CNTNAP2: variants seen among roughly 807,000 people sequenced by gnomAD.
CNTNAP2 encodes the protein contactin-associated protein-like 2.
A neutral mutation model predicts 155.2 loss-of-function variants in CNTNAP2; 98 were observed. The observed-to-expected ratio is 0.63, with a 90% CI of 0.54 to 0.75. The LOEUF is 0.75. CNTNAP2 is among the 30% of genes least tolerant of loss of function. The pLI, the probability that CNTNAP2 is intolerant of heterozygous loss-of-function variation, is 0.00. For missense variants in CNTNAP2, 1,727 were observed against 1,688.1 expected, an observed-to-expected ratio of 1.02 and a Z score of -0.40; for synonymous variants, 651 against 631.2, an observed-to-expected ratio of 1.03 and a Z score of -0.47.
intron 15 of CNTNAP2, among the ~76,000 whole-genome samples, chr7:148,085,132 A>C (rs1431845974): frequency 6.6e-6 from 1 of 152,242 alleles, no homozygotes; most frequent in Non-Finnish European, 1.5e-5. Context: ...TGTAATATCT[A>C]AGTAAAACCC....
At chr7:148,304,284 T>A (rs7458761) in intron 21 of CNTNAP2, among the ~76,000 whole-genome samples, 3 of 24,226 alleles carry the variant, frequency 1.2e-4, no homozygotes, top group Non-Finnish European at 2.1e-4. Flanking sequence ...TGGAAAAAAA[T>A]GTCTGCTGCC....
At chr7:147,694,547 C>T (rs2116996308) in intron 13 of CNTNAP2, among the ~76,000 whole-genome samples, 1 of 152,164 alleles carries the variant, frequency 6.6e-6, no homozygotes, top group Middle Eastern at 3.4e-3. Context: ...TTCAGATTGT[C>T]AATTTATTCT....
rs760099201 is a variant in CNTNAP2 at position 148,172,379 on chromosome 7, G to C, written c.2911G>C (p.Gly971Arg). The C allele has an allele frequency of 6.2e-7, 1 of 1,614,026 alleles. No individual in the cohort carries two copies. The highest frequency in any genetic ancestry group is 2.2e-5 in the East Asian group (1 of 44,880). Reference sequence around the variant, plus strand: ...ATGCTCGGGCCATTGCACCAGCTATGGAACAAACTGTGAAAATGGAGGCAA... The same window carrying C: ...ATGCTCGGGCCATTGCACCAGCTATCGAACAAACTGTGAAAATGGAGGCAA... ...SGCSGHCTSY[G>R]TNCENGGKCL... The change falls in exon 18 of 24, where the codon GGA becomes CGA. Residue 971 changes from glycine (G) to arginine (R), a missense_variant. Coordinates refer to ENST00000361727, the MANE Select transcript of CNTNAP2 (RefSeq NM_014141.6).
chr7:146,834,189 A>T (rs1488027813), intron 2 of CNTNAP2, among the ~76,000 whole-genome samples: 1 of 152,168 alleles, frequency 6.6e-6, no homozygotes, highest in Non-Finnish European at 1.5e-5. Flanking sequence ...GCCATTTATC[A>T]CTACAACAGA....
intron 11 of CNTNAP2, among the ~76,000 whole-genome samples, chr7:147,526,845 G>A (rs1255040607): frequency 1.3e-5 from 2 of 151,934 alleles, no homozygotes; most frequent in Non-Finnish European, 2.9e-5. Context: ...CAAATAACTT[G>A]GGATTTGGGG....
chr7:148,301,722 G>C (rs970725203), intron 21 of CNTNAP2, among the ~76,000 whole-genome samples: 2 of 152,178 alleles, frequency 1.3e-5, no homozygotes, highest in African/African-American at 4.8e-5. Flanking sequence ...GTGGATCTGT[G>C]CCAGTGGGAT....
intron 1 of CNTNAP2, among the ~76,000 whole-genome samples, chr7:146,259,318 A>C (rs944623010): frequency 6.6e-6 from 1 of 152,150 alleles, no homozygotes; most frequent in African/African-American, 2.4e-5. Flanking sequence ...TAACCTGAAA[A>C]TGTGGAAGTA....
chr7:148,141,938 AGAG>A (rs1805081364), intron 16 of CNTNAP2, among the ~76,000 whole-genome samples: 2 of 152,202 alleles, frequency 1.3e-5, no homozygotes, highest in African/African-American at 2.4e-5. Context: ...AGGAAGACTA[AGAG>A]GAGTGGAAAT....
chr7:147,079,544 T>C (rs1455993874), intron 4 of CNTNAP2, among the ~76,000 whole-genome samples: 1 of 151,536 alleles, frequency 6.6e-6, no homozygotes, highest in African/African-American at 2.4e-5. Context: ...TGTATACATA[T>C]GTAACAAAAC....
chr7:147,198,436 T>G (rs910625337), intron 8 of CNTNAP2, among the ~76,000 whole-genome samples: 2 of 152,190 alleles, frequency 1.3e-5, no homozygotes, highest in African/African-American at 4.8e-5. Flanking sequence ...TTCACCGTTT[T>G]GGTCAGGCTG....
intron 15 of CNTNAP2, among the ~76,000 whole-genome samples, chr7:148,012,488 C>T (rs577410972): frequency 2.6e-5 from 4 of 152,146 alleles, no homozygotes; most frequent in Non-Finnish European, 4.4e-5. Context: ...TGCTGATCCA[C>T]CTTGTGCCTG....
chr7:148,414,140 G>A (rs1263026002), intron 23 of CNTNAP2, among the ~76,000 whole-genome samples: 1 of 126,224 alleles, frequency 7.9e-6, no homozygotes, highest in South Asian at 2.5e-4. Flanking sequence ...GCAGTGGCAC[G>A]ATCTTGGCTC....
chr7:146,708,573 A>G (rs1471873341), intron 1 of CNTNAP2, among the ~76,000 whole-genome samples: 1 of 95,500 alleles, frequency 1.0e-5, no homozygotes, highest in Non-Finnish European at 1.7e-5. Flanking sequence ...CTGTTTAAGA[A>G]AAAAAAAAAA....
chr7:146,943,727 G>T (rs1797101657), intron 3 of CNTNAP2, among the ~76,000 whole-genome samples: 1 of 152,066 alleles, frequency 6.6e-6, no homozygotes, highest in African/African-American at 2.4e-5. Context: ...CATCACTAGT[G>T]GCACCTTGTA....
intron 21 of CNTNAP2, among the ~76,000 whole-genome samples, chr7:148,286,451 A>G (rs1162238050): frequency 3.3e-5 from 5 of 152,232 alleles, no homozygotes; most frequent in East Asian, 3.8e-4. Context: ...ATTAGGAAGT[A>G]GAAAGGAAAG....
intron 14 of CNTNAP2, among the ~76,000 whole-genome samples, chr7:147,973,748 G>C (rs949472878): frequency 6.6e-6 from 1 of 152,130 alleles, no homozygotes; most frequent in African/African-American, 2.4e-5. Context: ...CTTATATTCT[G>C]TTTTGGTTTT....
intron 1 of CNTNAP2, among the ~76,000 whole-genome samples, chr7:146,633,855 A>AAAAAAAAG (rs1403685908): frequency 1.3e-5 from 2 of 148,888 alleles, no homozygotes; most frequent in African/African-American, 4.9e-5. Flanking sequence ...AAAAAAAAAA[A>AAAAAAAAG]ACAGAAACGT....
rs1312081723 is a variant in CNTNAP2 at position 146,947,508 on chromosome 7, A to T, written c.403-96399A>T. 8.6e-5 allele frequency among the ~76,000 whole-genome samples: 12 copies of T among 139,430 alleles called. No individual in the cohort carries two copies. The South Asian group carries it at 2.7e-3, about 31-fold the overall frequency. 91.5% of individuals were successfully genotyped at this position (139,430 alleles called of 152,430 possible). A position where few individuals can be genotyped will look rare whatever the true frequency, so the allele number is the denominator to read the frequency against. Reference sequence around the variant, plus strand: ...TATATATACATATATATCTTTCTAGATATATATAGTGTGTATGTATGTGTG... The same window carrying T: ...TATATATACATATATATCTTTCTAGTTATATATAGTGTGTATGTATGTGTG... On this transcript the variant is annotated intron_variant, in intron 3 of 23. Coordinates refer to ENST00000361727, the MANE Select transcript of CNTNAP2 (RefSeq NM_014141.6).
intron 14 of CNTNAP2, among the ~76,000 whole-genome samples, chr7:147,920,125 G>A (rs569361011): frequency 3.3e-5 from 5 of 151,656 alleles, no homozygotes; most frequent in African/African-American, 1.2e-4. Flanking sequence ...TTGGGAGGCC[G>A]AGGCGGGCAG....
Sources: gnomAD v4.1 joint callset for allele counts (sites outside exome capture counted in the v4.1 genomes callset) on GRCh38, gnomAD v4.1.1 for gene constraint, MANE v1.5 for transcripts, NCBI Gene and HGNC (gene_info 2026-07-23, HGNC 2026-07-21) for gene names.